Variants in TENM1 observed in about 807,000 individuals in gnomAD.
TENM1 encodes teneurin-1.
A neutral mutation model predicts 174.8 loss-of-function variants in TENM1; 35 were observed. That is an observed-to-expected ratio of 0.20 (90% confidence interval 0.15 to 0.27). TENM1 has a LOEUF of 0.27. Ranked by LOEUF, TENM1 falls within the 10% of genes least tolerant of loss-of-function variation. TENM1 has a pLI of 1.00. For missense variants in TENM1, 1,633 were observed against 2,130.1 expected, an observed-to-expected ratio of 0.77 and a Z score of 4.59; for synonymous variants, 781 against 798.7, an observed-to-expected ratio of 0.98 and a Z score of 0.37.
At chrX:124,547,734 G>A (rs779233145) in intron 14 of TENM1, among the ~76,000 whole-genome samples, 34 of 112,475 alleles carry the variant, frequency 3.0e-4, no homozygotes, top group African/African-American at 5.2e-4. Flanking sequence ...TAATCTGGGT[G>A]ATTCTGAAGC....
the TENM1 span, among the ~76,000 whole-genome samples, chrX:124,996,994 A>C: frequency 9.0e-6 from 1 of 111,640 alleles, no homozygotes; most frequent in East Asian, 2.8e-4. Flanking sequence ...AGTAGACTTT[A>C]AAAGACGGTG....
intron 27 of TENM1, among the ~76,000 whole-genome samples, chrX:124,400,964 T>G (rs1363590261): frequency 9.0e-6 from 1 of 111,731 alleles, no homozygotes; most frequent in East Asian, 2.8e-4. Flanking sequence ...AATGGATTTT[T>G]TAAATAAATG....
At chrX:124,821,695 T>C (rs1158043138) in intron 3 of TENM1, among the ~76,000 whole-genome samples, 5 of 112,065 alleles carry the variant, frequency 4.5e-5, no homozygotes, top group Non-Finnish European at 7.5e-5. Context: ...GGTTCTGTAA[T>C]TCACACTTTT....
At chrX:125,014,567 C>A in the TENM1 span, among the ~76,000 whole-genome samples, 1 of 111,034 alleles carries the variant, frequency 9.0e-6, no homozygotes, top group Admixed American at 9.6e-5. Flanking sequence ...TATTATTTAA[C>A]CTTTGTTACA....
chrX:124,857,535 A>G (rs191878405), intron 3 of TENM1, among the ~76,000 whole-genome samples: 94 of 111,833 alleles, frequency 8.4e-4, no homozygotes, highest in Non-Finnish European at 1.7e-3. Flanking sequence ...TCTCCAGAAT[A>G]GGAAAATCTG....
At chrX:124,542,239 C>T (rs1319603327) in intron 15 of TENM1, among the ~76,000 whole-genome samples, 2 of 112,316 alleles carry the variant, frequency 1.8e-5, no homozygotes, top group African/African-American at 3.2e-5. Flanking sequence ...GAACAATTTG[C>T]TACATAGCAG....
At chrX:124,863,083 T>C (rs1469911552) in intron 3 of TENM1, among the ~76,000 whole-genome samples, 1 of 107,705 alleles carries the variant, frequency 9.3e-6, no homozygotes, top group Non-Finnish European at 1.9e-5. Context: ...AGTCATCACC[T>C]GCTAATTGAA....
At chrX:124,544,216 A>G (rs955349170) in intron 15 of TENM1, among the ~76,000 whole-genome samples, 4 of 112,755 alleles carry the variant, frequency 3.5e-5, no homozygotes, top group Admixed American at 2.8e-4. Flanking sequence ...GAGATGTATA[A>G]GAGCCATAAG....
the TENM1 span, among the ~76,000 whole-genome samples, chrX:125,110,129 A>C: frequency 9.0e-6 from 1 of 111,724 alleles, no homozygotes; most frequent in Non-Finnish European, 1.9e-5. Context: ...TATGTACATT[A>C]TCTCATTCAA....
the TENM1 span, among the ~76,000 whole-genome samples, chrX:124,976,495 A>C: frequency 8.9e-6 from 1 of 112,141 alleles, no homozygotes; most frequent in Non-Finnish European, 1.9e-5. Context: ...GTTTGGAAAG[A>C]GACTAAGAAG....
At chrX:124,810,711 G>A (rs756755142) in intron 3 of TENM1, among the ~76,000 whole-genome samples, 2 of 111,447 alleles carry the variant, frequency 1.8e-5, no homozygotes, top group South Asian at 3.8e-4. Context: ...AATGTATATG[G>A]AATCACAAAA....
At chrX:124,691,238 G>T (rs2052513598) in intron 5 of TENM1, among the ~76,000 whole-genome samples, 1 of 111,421 alleles carries the variant, frequency 9.0e-6, no homozygotes, top group African/African-American at 3.3e-5. Context: ...ATTCCCCTGA[G>T]GGTATACAGT....
At chrX:125,178,441 T>C in the TENM1 span, among the ~76,000 whole-genome samples, 5 of 111,324 alleles carry the variant, frequency 4.5e-5, no homozygotes, top group African/African-American at 1.6e-4. Flanking sequence ...CACCATTGCA[T>C]GTAGGTACTT....
intron 22 of TENM1, among the ~76,000 whole-genome samples, chrX:124,454,080 C>T (rs1276933527): frequency 9.0e-6 from 1 of 111,100 alleles, no homozygotes; most frequent in African/African-American, 3.3e-5. Flanking sequence ...AGATAAAAGC[C>T]GATAAAATTT....
At chrX:124,471,300 ATAATATATAGTACTATATAT>A (rs2061312425) in intron 22 of TENM1, among the ~76,000 whole-genome samples, 1 of 47,615 alleles carries the variant, frequency 2.1e-5, no homozygotes, top group African/African-American at 1.0e-4. Context: ...ACTATATATT[ATAATATATAGTACTATATAT>A]TATAATATAT....
At chrX:125,066,184 G>A in the TENM1 span, among the ~76,000 whole-genome samples, 1 of 111,850 alleles carries the variant, frequency 8.9e-6, no homozygotes, top group East Asian at 2.8e-4. Flanking sequence ...AAGAGTGGGA[G>A]CTGAGAGGAA....
the TENM1 span, among the ~76,000 whole-genome samples, chrX:125,192,671 A>G: frequency 8.9e-6 from 1 of 111,978 alleles, no homozygotes; most frequent in Admixed American, 9.5e-5. Context: ...CAGGTGTTAA[A>G]AAAGAGAAAT....
At chrX:124,537,643 A>T (rs1185235801) in intron 15 of TENM1, among the ~76,000 whole-genome samples, 1 of 112,146 alleles carries the variant, frequency 8.9e-6, no homozygotes, top group Non-Finnish European at 1.9e-5. Flanking sequence ...ACTGCTGAGC[A>T]CTTCCTATGT....
chrX:124,395,627 C>T (rs1363206091), intron 27 of TENM1, among the ~76,000 whole-genome samples: 2 of 111,681 alleles, frequency 1.8e-5, no homozygotes, highest in Admixed American at 9.5e-5. Flanking sequence ...CATACATATA[C>T]AGCCACCTGT....
Sources: allele counts gnomAD v4.1 joint callset (sites outside exome capture counted in the v4.1 genomes callset), GRCh38; gene constraint gnomAD v4.1.1; transcripts MANE v1.5; gene names NCBI Gene and HGNC (gene_info 2026-07-23, HGNC 2026-07-21).